ZEB2: variants seen among roughly 807,000 people sequenced by gnomAD.
The protein encoded by ZEB2 is zinc finger E-box-binding homeobox 2.
ZEB2 carries 6 observed loss-of-function variants against 99.9 expected under a neutral mutation model. The observed-to-expected ratio is 0.06, with a 90% confidence interval of 0.03 to 0.12. ZEB2 has a LOEUF of 0.12. Among genes scored for constraint, ZEB2 ranks in the 10% least tolerant of loss-of-function variants. ZEB2 has a pLI of 1.00. For synonymous variants in ZEB2, 517 were observed against 542.5 expected (o/e 0.95, Z 0.65); for missense variants, 969 against 1,502.8 (o/e 0.64, Z 5.87).
chr2:144,492,399 T>G (rs1265935509), intron 2 of ZEB2, among the ~76,000 whole-genome samples: 1 of 151,516 alleles, frequency 6.6e-6, no homozygotes, highest in Admixed American at 6.6e-5. Flanking sequence ...CAAAGAAGAG[T>G]GGAGGAAGGG....
rs1045957618 is a variant in ZEB2, at chr2:144,385,811, A to T, written c.*3640T>A. 1 of 152,214 alleles carries T rather than the reference A, an allele frequency of 6.6e-6. No individual in the cohort carries two copies. The highest frequency in any genetic ancestry group is 2.4e-5 in the African/African-American group (1 of 41,460). 9.4% of individuals were successfully genotyped at this position (152,214 alleles called of 1,614,324 possible). On this transcript the variant is annotated 3_prime_UTR_variant, in exon 10 of 10. Coordinates refer to ENST00000627532, the MANE Select transcript of ZEB2 (RefSeq NM_014795.4). Reference sequence around the variant, plus strand: ...TTTTATTAAGGCTTACATTATTAGAAAGATAAAAAATGACCTTTTTAAAAG... The same window carrying T: ...TTTTATTAAGGCTTACATTATTAGATAGATAAAAAATGACCTTTTTAAAAG...
Position 144,429,902 on chromosome 2 carries a change from G to A in ZEB2, c.198C>T (p.Pro66=), listed in dbSNP as rs757356921. The A allele has an allele frequency of 3.1e-6, 5 of 1,613,654 alleles. No individual in the cohort carries two copies. In the Admixed American group the frequency reaches 5.0e-5, roughly 16 times the overall value. ...TCACGTGTGGGGAGGACTCATGGTT[G>A]GGCACACTAGCTGGACTCGTCTCCT... ...LDQETSPASV[P]NHESSPHVSQ... is the part of the protein sequence containing the mutation. The change falls in exon 3 of 10, where the codon CCC becomes CCT. Residue 66 remains proline, a synonymous_variant. Transcript: ENST00000627532.
At chr2:144,511,768 A>G (rs2149930977) in intron 2 of ZEB2, 2 of 1,285,762 alleles carry the variant, frequency 1.6e-6, no homozygotes, top group African/African-American at 1.5e-5. Flanking sequence ...GGAAAATTAC[A>G]TTTCATCTTC....
intron 2 of ZEB2, among the ~76,000 whole-genome samples, chr2:144,479,684 G>GGC (rs1491549436): frequency 1.6e-5 from 1 of 61,416 alleles, no homozygotes; most frequent in Non-Finnish European, 3.4e-5. Flanking sequence ...ACTTTTTTTT[G>GGC]GGGGGGGGGG....
At chr2:144,473,392 T>C (rs928345036) in intron 2 of ZEB2, among the ~76,000 whole-genome samples, 23 of 152,194 alleles carry the variant, frequency 1.5e-4, no homozygotes, top group African/African-American at 5.5e-4. Flanking sequence ...GAGTGCTATG[T>C]GGTCCTAAAA....
chr2:144,402,191 GA>G (rs1703321433), intron 6 of ZEB2, among the ~76,000 whole-genome samples: 1 of 152,162 alleles, frequency 6.6e-6, no homozygotes, highest in Admixed American at 6.5e-5. Flanking sequence ...AAAGCAGTGT[GA>G]CTTAGAATTC....
intron 2 of ZEB2, among the ~76,000 whole-genome samples, chr2:144,510,998 C>T (rs1195225265): frequency 1.3e-5 from 2 of 152,098 alleles, no homozygotes; most frequent in African/African-American, 2.4e-5. Context: ...TGTGTCTTCC[C>T]GGAGAGGCAA....
At chr2:144,464,375 T>C (rs1327062334) in intron 2 of ZEB2, 2 of 152,194 alleles carry the variant, frequency 1.3e-5, no homozygotes, top group Non-Finnish European at 2.9e-5. Flanking sequence ...TCAACATCTT[T>C]ATATATTTAA....
intron 2 of ZEB2, chr2:144,482,429 T>C (rs1055216718): frequency 2.0e-5 from 3 of 152,274 alleles, no homozygotes; most frequent in Admixed American, 6.5e-5. Flanking sequence ...ATTTTTATTC[T>C]TTCGTTCTAA....
chr2:144,403,003 A>G (rs1418059154), intron 6 of ZEB2, among the ~76,000 whole-genome samples: 6 of 152,262 alleles, frequency 3.9e-5, no homozygotes, highest in Non-Finnish European at 5.9e-5. Context: ...ATCATGTTCA[A>G]TAATTTTAAA....
chr2:144,506,556 A>G (rs1704953397), intron 2 of ZEB2, among the ~76,000 whole-genome samples: 1 of 152,246 alleles, frequency 6.6e-6, no homozygotes, highest in African/African-American at 2.4e-5. Flanking sequence ...TACTTCCAAG[A>G]ATAGGCAATT....
intron 2 of ZEB2, among the ~76,000 whole-genome samples, chr2:144,498,598 T>C (rs1704823545): frequency 6.6e-6 from 1 of 152,186 alleles, no homozygotes; most frequent in Non-Finnish European, 1.5e-5. Flanking sequence ...GACCTTTCAG[T>C]TTCCTCCATT....
intron 4 of ZEB2, among the ~76,000 whole-genome samples, chr2:144,416,047 G>T (rs772332836): frequency 7.2e-5 from 11 of 152,188 alleles, no homozygotes; most frequent in Non-Finnish European, 1.5e-4. Flanking sequence ...AACATGGATG[G>T]CCACACTTGC....
At chr2:144,498,798 A>G (rs1374421824) in intron 2 of ZEB2, among the ~76,000 whole-genome samples, 4 of 152,182 alleles carry the variant, frequency 2.6e-5, no homozygotes, top group African/African-American at 9.6e-5. Context: ...AAATCAGAGG[A>G]TAGAAAGATA....
chr2:144,434,260 TA>T (rs1343104625), intron 2 of ZEB2, among the ~76,000 whole-genome samples: 6 of 152,176 alleles, frequency 3.9e-5, no homozygotes, highest in African/African-American at 1.4e-4. Context: ...AGCGTGCCAA[TA>T]AATCGTTCAA....
chr2:144,387,712 A>G lies in ZEB2; in HGVS notation c.*1739T>C, dbSNP rs1284289376. 1.3e-5 allele frequency: 2 copies of G among 152,180 alleles called. No homozygotes were observed. Among genetic ancestry groups the G allele is most frequent in the African/African-American group, 4.8e-5 (2 of 41,456 alleles). The allele number at this position is 152,180 out of a possible 1,614,324, so 9.4% of individuals were successfully genotyped here. ...ACAGAGAAGTGAATTTTTAACACAT[A>G]ATCTCTAAATACTCGTAATGCAAAA... is the stretch of plus-strand genomic sequence containing the variant. On this transcript the variant is annotated 3_prime_UTR_variant, in exon 10 of 10. Transcript: ENST00000627532.
chr2:144,518,622 G>T (rs1160806414), intron 1 of ZEB2: 1 of 152,158 alleles, frequency 6.6e-6, no homozygotes, highest in Non-Finnish European at 1.5e-5. Context: ...GAAGGGAGGG[G>T]GGCAGAGAGA....
At chr2:144,487,197 C>T (rs1387444863) in intron 2 of ZEB2, among the ~76,000 whole-genome samples, 1 of 151,890 alleles carries the variant, frequency 6.6e-6, no homozygotes, top group Non-Finnish European at 1.5e-5. Flanking sequence ...ACAACTTCTG[C>T]TCATGTGAAC....
intron 9 of ZEB2, among the ~76,000 whole-genome samples, chr2:144,396,159 C>A (rs1330490559): frequency 6.6e-6 from 1 of 152,086 alleles, no homozygotes; most frequent in East Asian, 1.9e-4. Context: ...CTGACTGTCC[C>A]TTTGACATAA....
Sources: gnomAD v4.1 joint callset for allele counts (sites outside exome capture counted in the v4.1 genomes callset) on GRCh38, gnomAD v4.1.1 for gene constraint, MANE v1.5 for transcripts, NCBI Gene and HGNC (gene_info 2026-07-23, HGNC 2026-07-21) for gene names.